DPP10: variants seen among roughly 807,000 people sequenced by gnomAD.
DPP10 encodes the protein inactive dipeptidyl peptidase 10.
A neutral mutation model predicts 120.9 loss-of-function variants in DPP10; 33 were observed. The ratio of observed to expected loss-of-function variants is 0.27; its 90% CI spans 0.21 to 0.37. The LOEUF (loss-of-function observed/expected upper bound fraction) is 0.37, where lower values mean the gene tolerates loss of function less well. Ranked by LOEUF, DPP10 falls within the 10% of genes least tolerant of loss-of-function variation. DPP10 has a pLI of 1.00. For synonymous variants in DPP10, 337 were observed against 326.1 expected (o/e 1.03, Z -0.36); for missense variants, 816 against 942.8 (o/e 0.87, Z 1.76).
chr2:114,542,706 G>C (rs1687054159), intron 1 of DPP10, among the ~76,000 whole-genome samples: 1 of 152,180 alleles, frequency 6.6e-6, no homozygotes, highest in Admixed American at 6.5e-5. Context: ...TGGTAATCTG[G>C]TGAAATAAAA....
intron 1 of DPP10, among the ~76,000 whole-genome samples, chr2:114,466,099 T>C (rs1305134535): frequency 6.6e-6 from 1 of 152,180 alleles, no homozygotes; most frequent in African/African-American, 2.4e-5. Context: ...CAAATTCATC[T>C]ATAAATTTAT....
chr2:114,743,705 G>T (rs1490013285), intron 1 of DPP10, among the ~76,000 whole-genome samples: 1 of 152,106 alleles, frequency 6.6e-6, no homozygotes, highest in Non-Finnish European at 1.5e-5. Flanking sequence ...AATGAACTGA[G>T]TTTGCTCATC....
At chr2:115,054,746 A>G (rs1705770251) in intron 1 of DPP10, among the ~76,000 whole-genome samples, 1 of 152,026 alleles carries the variant, frequency 6.6e-6, no homozygotes, top group African/African-American at 2.4e-5. Flanking sequence ...CCCAGTCTCT[A>G]CTAAAAATAC....
At chr2:115,061,013 CTCCCCTTTAAACAATTAACCAGAG>C (rs1208075617) in intron 1 of DPP10, among the ~76,000 whole-genome samples, 1 of 152,172 alleles carries the variant, frequency 6.6e-6, no homozygotes, top group Admixed American at 6.5e-5. Context: ...TAATGCCTAA[CTCCCCTTTAAACAATTAACCAGAG>C]TCTCTTGGTT....
rs180854126 is a variant in DPP10, at chr2:115,600,001, C to G, written c.441+74029C>G. On this transcript the variant is annotated intron_variant, in intron 5 of 25. Transcript: ENST00000410059. Reference sequence around the variant, plus strand: ...GTTCCTTTTTCCTGGTCTCTCCTTTCTGTCTTTGACTCTTTGGGAGCCATT... The same window carrying G: ...GTTCCTTTTTCCTGGTCTCTCCTTTGTGTCTTTGACTCTTTGGGAGCCATT... Among the ~76,000 whole-genome samples, 459 of 152,204 alleles carry G rather than the reference C, an allele frequency of 3.0e-3. 2 individuals are homozygous for G. Among genetic ancestry groups the G allele is most frequent in the Admixed American group, 5.0e-3 (77 of 15,282 alleles).
intron 1 of DPP10, among the ~76,000 whole-genome samples, chr2:114,474,751 C>G (rs910739088): frequency 6.6e-6 from 1 of 152,210 alleles, no homozygotes; most frequent in Non-Finnish European, 1.5e-5. Flanking sequence ...GAGAAACACA[C>G]CCATTACTGA....
chr2:114,797,101 C>T (rs1350897975), intron 1 of DPP10, among the ~76,000 whole-genome samples: 2 of 152,160 alleles, frequency 1.3e-5, no homozygotes, highest in Non-Finnish European at 2.9e-5. Context: ...CACAAGAATA[C>T]CAAACTGGCA....
In DPP10 at chr2:115,845,104, A is replaced by G. The variant is rs1019782700; in HGVS notation, c.*2759A>G. 4 of 152,190 alleles carry G rather than the reference A, an allele frequency of 2.6e-5. No individual in the cohort carries two copies. The highest frequency in any genetic ancestry group is 5.9e-5 in the Non-Finnish European group (4 of 68,028). 9.4% of individuals were successfully genotyped at this position (152,190 alleles called of 1,614,324 possible). A position where few individuals can be genotyped will look rare whatever the true frequency, so the allele number is the denominator to read the frequency against. The stretch of plus-strand genomic sequence containing the variant: ...TGACTTAGACATTGGGCTTTACCAT[A>G]TTAGAGAATTACTTAAGCCATTGTC... On this transcript the variant is annotated 3_prime_UTR_variant, in exon 26 of 26. Coordinates refer to ENST00000410059, the MANE Select transcript of DPP10 (RefSeq NM_020868.6).
At chr2:115,256,995 T>G (rs1001461367) in intron 1 of DPP10, among the ~76,000 whole-genome samples, 1 of 152,206 alleles carries the variant, frequency 6.6e-6, no homozygotes. Context: ...AGCCAAGTTA[T>G]TCACTAAGGC....
intron 3 of DPP10, among the ~76,000 whole-genome samples, chr2:115,368,877 T>G (rs1041150189): frequency 3.3e-5 from 5 of 151,930 alleles, no homozygotes; most frequent in African/African-American, 1.2e-4. Flanking sequence ...TTATATGATA[T>G]CAACAAACTT....
intron 1 of DPP10, among the ~76,000 whole-genome samples, chr2:114,961,896 G>T (rs536127299): frequency 1.3e-5 from 2 of 152,096 alleles, no homozygotes; most frequent in African/African-American, 4.8e-5. Flanking sequence ...AAAGGTTGCC[G>T]TTAGCTGAGA....
intron 3 of DPP10, among the ~76,000 whole-genome samples, chr2:115,381,183 C>G (rs572071180): frequency 1.1e-4 from 16 of 152,164 alleles, no homozygotes; most frequent in African/African-American, 2.2e-4. Flanking sequence ...GTCACTTTCA[C>G]GTACACCAAT....
In DPP10 at chr2:115,815,652, A is replaced by G. The variant is rs142819825; in HGVS notation, c.1896-23A>G. 181 of 1,592,574 alleles carry G rather than the reference A, an allele frequency of 1.1e-4. 3 individuals are homozygous for G. In the African/African-American group the frequency reaches 2.1e-3, roughly 18 times the overall value. ...GCATTTAACTCACAAAGATATAACT[A>G]TTGTTTTTCGTTTTCATTGCAGATT... On this transcript the variant is annotated intron_variant, in intron 20 of 25. Coordinates refer to ENST00000410059, the MANE Select transcript of DPP10 (RefSeq NM_020868.6).
At chr2:115,075,705 C>CTTT (rs202184549) in intron 1 of DPP10, among the ~76,000 whole-genome samples, 1 of 143,218 alleles carries the variant, frequency 7.0e-6, no homozygotes. Context: ...CAATGGTGAA[C>CTTT]TTTTTTTTTT....
At chr2:114,691,819 A>G (rs1699767455) in intron 1 of DPP10, among the ~76,000 whole-genome samples, 2 of 151,890 alleles carry the variant, frequency 1.3e-5, no homozygotes, top group Non-Finnish European at 2.9e-5. Context: ...GGGAGGATAT[A>G]TGTGTCCAGG....
rs1454535896 is a variant in DPP10 at position 115,602,512 on chromosome 2, AT to A, written c.441+76547del. On this transcript the variant is annotated intron_variant, in intron 5 of 25. Transcript: ENST00000410059. ...TTCAAAAGCATCTTTTAAAAAAATT[AT>A]TTTTTTAGTCTTTCTATTTGCTCTT... Among the ~76,000 whole-genome samples, 6 of 152,106 alleles carry A rather than the reference AT, an allele frequency of 3.9e-5. No homozygotes were observed. In the East Asian group the frequency reaches 9.6e-4, roughly 24 times the overall value.
At chr2:115,218,770 G>C (rs2056973111) in intron 1 of DPP10, among the ~76,000 whole-genome samples, 1 of 151,928 alleles carries the variant, frequency 6.6e-6, no homozygotes. Context: ...TGATGTTTAT[G>C]GGCTCTACTA....
intron 1 of DPP10, among the ~76,000 whole-genome samples, chr2:115,261,296 G>GC (rs1411003724): frequency 1.3e-5 from 2 of 152,176 alleles, no homozygotes; most frequent in Non-Finnish European, 2.9e-5. Flanking sequence ...ATTTTAGTAA[G>GC]CCTAAAGGGC....
intron 3 of DPP10, among the ~76,000 whole-genome samples, chr2:115,370,837 C>T (rs2065359970): frequency 6.6e-6 from 1 of 151,568 alleles, no homozygotes; most frequent in Non-Finnish European, 1.5e-5. Flanking sequence ...TAAGTATTGG[C>T]ATCTCTCGTT....
Sources: allele counts gnomAD v4.1 joint callset (sites outside exome capture counted in the v4.1 genomes callset), GRCh38; gene constraint gnomAD v4.1.1; transcripts MANE v1.5; gene names NCBI Gene and HGNC (gene_info 2026-07-23, HGNC 2026-07-21).